Variants in PPFIA2 observed in about 807,000 individuals in gnomAD.
PPFIA2 encodes liprin-alpha-2.
PPFIA2 carries 46 observed loss-of-function variants against 175.5 expected under a neutral mutation model. The ratio of observed to expected loss-of-function variants is 0.26; its 90% CI spans 0.21 to 0.34. The LOEUF is 0.34. PPFIA2 is among the 10% of genes least tolerant of loss of function. The pLI, the probability that PPFIA2 is intolerant of heterozygous loss-of-function variation, is 1.00. For synonymous variants in PPFIA2, 568 were observed against 511.4 expected (o/e 1.11, Z -1.49); for missense variants, 1,179 against 1,506.1 (o/e 0.78, Z 3.60).
intron 29 of PPFIA2, among the ~76,000 whole-genome samples, chr12:81,267,685 T>G (rs915009701): frequency 1.3e-5 from 2 of 151,520 alleles, no homozygotes; most frequent in Non-Finnish European, 2.9e-5. Context: ...GGTGGGAGAC[T>G]GGGCCACATA....
intron 4 of PPFIA2, among the ~76,000 whole-genome samples, chr12:81,515,898 A>G (rs1254453370): frequency 1.3e-5 from 2 of 151,932 alleles, no homozygotes; most frequent in Non-Finnish European, 1.5e-5. Context: ...TCTCTTACCA[A>G]AACTCTTTCT....
chr12:81,389,156 T>C (rs1188247142), intron 8 of PPFIA2, among the ~76,000 whole-genome samples: 1 of 147,558 alleles, frequency 6.8e-6, no homozygotes, highest in Admixed American at 6.8e-5. Flanking sequence ...CACACACACA[T>C]ATATGTATTC....
At chr12:81,694,492 G>A (rs1175792084) in intron 3 of PPFIA2, among the ~76,000 whole-genome samples, 1 of 152,204 alleles carries the variant, frequency 6.6e-6, no homozygotes, top group Non-Finnish European at 1.5e-5. Flanking sequence ...GTGGTGTTAA[G>A]CCTGTAGGTG....
chr12:81,664,020 C>A (rs182335179), intron 4 of PPFIA2, among the ~76,000 whole-genome samples: 4 of 152,270 alleles, frequency 2.6e-5, no homozygotes, highest in East Asian at 1.9e-4. Context: ...CTTCCTTACA[C>A]CTTATACAAA....
chr12:81,748,098 C>A (rs1471492784), intron 3 of PPFIA2, among the ~76,000 whole-genome samples: 1 of 144,346 alleles, frequency 6.9e-6, no homozygotes, highest in Non-Finnish European at 1.6e-5. Context: ...AAATTCAGAT[C>A]TTCTGACTCA....
rs546035715 is a variant in PPFIA2, at chr12:81,599,018, A to T, written c.303+77773T>A. Among the ~76,000 whole-genome samples, 25 of 152,172 alleles carry T rather than the reference A, an allele frequency of 1.6e-4. No individual in the cohort carries two copies. In the South Asian group the frequency reaches 5.0e-3, roughly 30 times the overall value. ...ATTTTCAACTCAAAAATCCAAAAAT[A>T]TTGAATGCAAACATGTAGGTTTTGT... On this transcript the variant is annotated intron_variant, in intron 4 of 32. Coordinates refer to ENST00000549396, the MANE Select transcript of PPFIA2 (RefSeq NM_003625.5).
At chr12:81,635,113 CA>C (rs1205791971) in intron 4 of PPFIA2, among the ~76,000 whole-genome samples, 1 of 152,162 alleles carries the variant, frequency 6.6e-6, no homozygotes, top group Non-Finnish European at 1.5e-5. Flanking sequence ...TAATAAATTT[CA>C]AATGGAAAAT....
intron 25 of PPFIA2, among the ~76,000 whole-genome samples, chr12:81,283,713 A>G (rs1255369223): frequency 6.6e-6 from 1 of 152,102 alleles, no homozygotes; most frequent in Non-Finnish European, 1.5e-5. Flanking sequence ...ATAGCATTTT[A>G]TTTTTAAAAG....
intron 4 of PPFIA2, among the ~76,000 whole-genome samples, chr12:81,662,921 C>A (rs1446037941): frequency 6.6e-6 from 1 of 152,116 alleles, no homozygotes; most frequent in Non-Finnish European, 1.5e-5. Context: ...TAAATGTAAT[C>A]CAGCATATAA....
At chr12:81,692,404 A>C (rs2153589500) in intron 3 of PPFIA2, among the ~76,000 whole-genome samples, 1 of 152,288 alleles carries the variant, frequency 6.6e-6, no homozygotes, top group East Asian at 1.9e-4. Flanking sequence ...GAAATAATAT[A>C]AATTGTTTTA....
intron 3 of PPFIA2, among the ~76,000 whole-genome samples, chr12:81,732,279 G>C (rs141182089): frequency 2.2e-3 from 335 of 151,566 alleles, no homozygotes; most frequent in African/African-American, 7.6e-3. Context: ...ATTGCTAATA[G>C]CTTAATTTCA....
chr12:81,587,254 C>A (rs1053911170), intron 4 of PPFIA2, among the ~76,000 whole-genome samples: 7 of 151,826 alleles, frequency 4.6e-5, no homozygotes, highest in African/African-American at 7.3e-5. Context: ...TGGATCATGG[C>A]GGCAGTTCCT....
intron 4 of PPFIA2, among the ~76,000 whole-genome samples, chr12:81,520,203 T>C (rs2062951564): frequency 6.6e-6 from 1 of 152,152 alleles, no homozygotes; most frequent in Non-Finnish European, 1.5e-5. Flanking sequence ...TATCATGATG[T>C]TGATGGCTGG....
intron 28 of PPFIA2, among the ~76,000 whole-genome samples, chr12:81,274,646 G>A (rs1453479388): frequency 2.0e-5 from 3 of 152,062 alleles, no homozygotes; most frequent in Non-Finnish European, 2.9e-5. Flanking sequence ...AGTGTTGACT[G>A]CTTCTTAGCA....
intron 4 of PPFIA2, among the ~76,000 whole-genome samples, chr12:81,636,883 C>T (rs1351834529): frequency 6.6e-6 from 1 of 151,824 alleles, no homozygotes; most frequent in Non-Finnish European, 1.5e-5. Flanking sequence ...AAACTCCTGA[C>T]CTCAAGTGAT....
At chr12:81,440,813 G>GATATATATATATATATATATATAT (rs142582712) in intron 6 of PPFIA2, among the ~76,000 whole-genome samples, 3 of 143,120 alleles carry the variant, frequency 2.1e-5, no homozygotes, top group African/African-American at 7.6e-5. Flanking sequence ...TATATGTCCT[G>GATATATATATATATATATATATAT]ATATATATAT....
chr12:81,268,178 G>A (rs1446699010), intron 28 of PPFIA2, 91 bp from the exon 29 acceptor site: 16 of 1,008,498 alleles, frequency 1.6e-5, no homozygotes, highest in Non-Finnish European at 2.0e-5. Context: ...TCGCTCTGTC[G>A]CCCAGGCTGG....
intron 17 of PPFIA2, among the ~76,000 whole-genome samples, chr12:81,349,827 G>T (rs1208190053): frequency 6.6e-6 from 1 of 152,082 alleles, no homozygotes; most frequent in Admixed American, 6.5e-5. Flanking sequence ...CATTGCTGTG[G>T]CAAATGAGTT....
At chr12:81,603,428 T>C (rs1460691069) in intron 4 of PPFIA2, among the ~76,000 whole-genome samples, 1 of 151,752 alleles carries the variant, frequency 6.6e-6, no homozygotes, top group East Asian at 1.9e-4. Context: ...GAACTTGGTC[T>C]TGTGTTTACC....
Sources: gnomAD v4.1 joint callset for allele counts (sites outside exome capture counted in the v4.1 genomes callset) on GRCh38, gnomAD v4.1.1 for gene constraint, MANE v1.5 for transcripts, NCBI Gene and HGNC (gene_info 2026-07-23, HGNC 2026-07-21) for gene names.